Variants in MTOR observed in about 807,000 individuals in gnomAD.
MTOR encodes serine/threonine-protein kinase mTOR.
A neutral mutation model predicts 319.8 loss-of-function variants in MTOR; 70 were observed. That is an observed-to-expected ratio of 0.22 (90% CI 0.18 to 0.27). The LOEUF (loss-of-function observed/expected upper bound fraction) is 0.27, where lower values mean the gene tolerates loss of function less well. Ranked by LOEUF, MTOR falls within the 10% of genes least tolerant of loss-of-function variation. The pLI, the probability that MTOR is intolerant of heterozygous loss-of-function variation, is 1.00. For missense variants in MTOR, 1,890 were observed against 3,274.4 expected (o/e 0.58, Z 10.32); for synonymous variants, 1,183 against 1,211.4 (o/e 0.98, Z 0.49).
chr1:11,190,974 A>C (rs1453864368), intron 28 of MTOR, among the ~76,000 whole-genome samples: 1 of 152,184 alleles, frequency 6.6e-6, no homozygotes, highest in Non-Finnish European at 1.5e-5. Flanking sequence ...ATCACTTTCT[A>C]AGCATGGACT....
chr1:11,160,596 T>C (rs1369805873), intron 29 of MTOR, among the ~76,000 whole-genome samples: 1 of 152,182 alleles, frequency 6.6e-6, no homozygotes, highest in Non-Finnish European at 1.5e-5. Flanking sequence ...TCAGACCAGT[T>C]CTTAACCTGC....
Position 11,139,551 on chromosome 1 carries a change from G to A in MTOR, c.4980C>T (p.Cys1660=), listed in dbSNP as rs202113962. The part of the protein sequence containing the change: ...MRTWLKYASL[C]GKSGRLALAH... ...CACTCACCAGCCTGCCACTCTTGCCGCACAGGCTTGCATACTTGAGCCAGG... is the reference window on the plus strand; with the variant it reads ...CACTCACCAGCCTGCCACTCTTGCCACACAGGCTTGCATACTTGAGCCAGG... Residue 1660 remains cysteine (C), a synonymous_variant, in exon 35 of 58, where the codon TGC becomes TGT. Transcript: ENST00000361445. 121 of 1,614,176 alleles carry A rather than the reference G, an allele frequency of 7.5e-5. No homozygotes were observed. Among genetic ancestry groups the A allele is most frequent in the Admixed American group, 5.5e-4 (33 of 60,018 alleles).
intron 19 of MTOR, among the ~76,000 whole-genome samples, chr1:11,223,246 G>A (rs1182279974): frequency 4.0e-5 from 6 of 151,492 alleles, no homozygotes; most frequent in African/African-American, 7.3e-5. Context: ...AATGCCAGAT[G>A]TAGACCTTAT....
At position 11,238,183 on chromosome 1, in the gene MTOR, TTTCTC is replaced by T; in HGVS notation, c.2003-140_2003-136del. ...TTTCTCATCTAACCTCTGTCATTCT[TTTCTC>T]TACTCACAAGAGTAAAAGACAAAAG... On this transcript the variant is annotated intron_variant, in intron 12 of 57. Transcript: ENST00000361445. 3.1e-6 allele frequency: 3 copies of T among 962,860 alleles called. No homozygotes were observed. In the East Asian group the frequency reaches 7.8e-5, roughly 25 times the overall value. 59.6% of individuals were successfully genotyped at this position (962,860 alleles called of 1,614,324 possible).
At chr1:11,202,104 C>A (rs1645989593) in intron 26 of MTOR, among the ~76,000 whole-genome samples, 1 of 152,182 alleles carries the variant, frequency 6.6e-6, no homozygotes, top group Non-Finnish European at 1.5e-5. Flanking sequence ...CAATGCCCAG[C>A]CTGTAAACCA....
chr1:11,165,777 G>GA (rs1414985329), intron 29 of MTOR, among the ~76,000 whole-genome samples: 4 of 152,104 alleles, frequency 2.6e-5, no homozygotes, highest in African/African-American at 9.7e-5. Context: ...AAAAGAGCCC[G>GA]CATCGCCAAG....
At chr1:11,159,641 CA>C (rs796905295) in intron 29 of MTOR, among the ~76,000 whole-genome samples, 10,017 of 117,888 alleles carry the variant, frequency 0.085, 488 homozygotes, top group African/African-American at 0.16. Context: ...AACTCCGTCT[CA>C]AAAAAAAAAA....
chr1:11,149,742 T>C (rs547960700), intron 31 of MTOR, among the ~76,000 whole-genome samples: 1 of 152,238 alleles, frequency 6.6e-6, no homozygotes, highest in Non-Finnish European at 1.5e-5. Context: ...TATTTCCAAG[T>C]AGATAGGGTC....
Position 11,133,336 on chromosome 1 carries a change from A to G in MTOR, c.5247-139T>C. ...AAGAGGCAATGTGAAGGAGCTAGCA[A>G]AATTTTCAGCCACACGCAAGAAAGG... On this transcript the variant is annotated intron_variant, in intron 37 of 57. Coordinates refer to ENST00000361445, the MANE Select transcript of MTOR (RefSeq NM_004958.4). The surrounding 1 kb of genome is among the most constrained non-coding windows in gnomAD (Gnocchi z 4.0). 1.4e-6 allele frequency: 1 copy of G among 718,804 alleles called. No homozygotes were observed. The highest frequency in any genetic ancestry group is 1.8e-5 in the South Asian group (1 of 57,042). 44.5% of individuals were successfully genotyped at this position (718,804 alleles called of 1,614,324 possible). A position where few individuals can be genotyped will look rare whatever the true frequency, so the allele number is the denominator to read the frequency against.
At chr1:11,206,726 A>G (rs185002774) in intron 25 of MTOR, among the ~76,000 whole-genome samples, 7 of 152,258 alleles carry the variant, frequency 4.6e-5, no homozygotes, top group Non-Finnish European at 1.0e-4. Context: ...GGGTTCTATA[A>G]CAACTGTGTA....
At position 11,225,015 on chromosome 1, in the gene MTOR, A is replaced by G. The variant is rs541388801; in HGVS notation, c.3030+3653T>C. On this transcript the variant is annotated intron_variant, in intron 19 of 57. Coordinates refer to ENST00000361445, the MANE Select transcript of MTOR (RefSeq NM_004958.4). ...CCAGAAAAAGTAAATCTATAGAGAG[A>G]GAAGCAGATTAGTAGTTGCCCAGGG... Among the ~76,000 whole-genome samples the G allele has an allele frequency of 2.6e-5, 4 of 152,336 alleles. No individual in the cohort carries two copies. In the South Asian group the frequency reaches 8.3e-4, roughly 32 times the overall value.
At chr1:11,216,869 T>A (rs761151092) in intron 19 of MTOR, among the ~76,000 whole-genome samples, 1 of 152,172 alleles carries the variant, frequency 6.6e-6, no homozygotes, top group African/African-American at 2.4e-5. Context: ...GGATAATTCA[T>A]GTCAAGCACT....
intron 28 of MTOR, among the ~76,000 whole-genome samples, chr1:11,175,186 TAGAACAAAC>T (rs1644944048): frequency 6.6e-6 from 1 of 152,116 alleles, no homozygotes; most frequent in Non-Finnish European, 1.5e-5. Flanking sequence ...TGTGAATCTG[TAGAACAAAC>T]AGAAACTGCC....
chr1:11,189,492 A>T (rs569700322), intron 28 of MTOR: 1 of 1,451,402 alleles, frequency 6.9e-7, no homozygotes, highest in East Asian at 2.3e-5. Flanking sequence ...CGTAAGGTTC[A>T]GTCAGCCTGC....
In MTOR at chr1:11,212,498, T is replaced by A. The variant is rs745505180; in HGVS notation, c.3399-24A>T. On this transcript the variant is annotated intron_variant, in intron 22 of 57. Transcript: ENST00000361445. This position sits in a 1 kb window ranked among gnomAD's most constrained non-coding sequence, Gnocchi z 4.1. The stretch of plus-strand genomic sequence containing the variant: ...CCCTACAACAATCACTAACATACAG[T>A]AACTGCTAACATACAATCTCCAAGG... 2 of 1,605,226 alleles carry A rather than the reference T, an allele frequency of 1.2e-6. No individual in the cohort carries two copies. Among genetic ancestry groups the A allele is most frequent in the South Asian group, 1.1e-5 (1 of 89,580 alleles).
chr1:11,249,564 G>C (rs1261847514), intron 6 of MTOR, among the ~76,000 whole-genome samples: 1 of 140,930 alleles, frequency 7.1e-6, no homozygotes, highest in Non-Finnish European at 1.6e-5. Context: ...AGGACCCTGC[G>C]GCCTTCCGCA....
intron 29 of MTOR, among the ~76,000 whole-genome samples, chr1:11,160,396 G>A (rs755021625): frequency 2.4e-4 from 36 of 152,142 alleles, no homozygotes; most frequent in African/African-American, 5.1e-4. Context: ...CACTGCGCCC[G>A]GCTGTATAGC....
chr1:11,174,983 C>A (rs1182544855), intron 28 of MTOR, among the ~76,000 whole-genome samples: 1 of 152,206 alleles, frequency 6.6e-6, no homozygotes, highest in African/African-American at 2.4e-5. Flanking sequence ...GTGCCTATAA[C>A]AGTGTGCAGA....
intron 29 of MTOR, among the ~76,000 whole-genome samples, chr1:11,160,335 G>A (rs1396177851): frequency 6.6e-6 from 1 of 152,078 alleles, no homozygotes; most frequent in African/African-American, 2.4e-5. Context: ...CCTGATCTCA[G>A]GTGATCTGCC....
Sources: gnomAD v4.1 joint callset for allele counts (sites outside exome capture counted in the v4.1 genomes callset) on GRCh38, gnomAD v4.1.1 for gene constraint, Gnocchi (gnomAD v3.1) non-coding constraint, MANE v1.5 for transcripts, NCBI Gene and HGNC (gene_info 2026-07-23, HGNC 2026-07-21) for gene names.